CD74: variants seen among roughly 807,000 people sequenced by gnomAD.
The protein encoded by CD74 is HLA class II histocompatibility antigen gamma chain.
CD74 carries 20 observed loss-of-function variants against 37.1 expected under a neutral mutation model. The observed-to-expected ratio is 0.54, with a 90% confidence interval of 0.38 to 0.78. The LOEUF is 0.78. Ranked by LOEUF, CD74 falls within the 30% of genes least tolerant of loss-of-function variation. The pLI, the probability that CD74 is intolerant of heterozygous loss-of-function variation, is 0.00. For synonymous variants in CD74, 150 were observed against 152.0 expected, an observed-to-expected ratio of 0.99 and a Z score of 0.10; for missense variants, 338 against 389.5, an observed-to-expected ratio of 0.87 and a Z score of 1.11.
rs549957995 is a variant in CD74, at chr5:150,412,508, TAGAGTC to T, written c.125+111_125+116del. The T allele has an allele frequency of 2.6e-4, 205 of 785,168 alleles. 1 individual carries two copies. In the African/African-American group the frequency reaches 2.7e-3, roughly 10 times the overall value. 48.6% of individuals were successfully genotyped at this position (785,168 alleles called of 1,614,324 possible). A position where few individuals can be genotyped will look rare whatever the true frequency, so the allele number is the denominator to read the frequency against. On this transcript the variant is annotated intron_variant, in intron 1 of 8. Transcript: ENST00000009530. ...TCAAAATCACCCAAAAAGTCAATGT[TAGAGTC>T]AGAGCCTGAATCCCTCTTTCCTGTG...
Position 150,412,686 on chromosome 5 carries a change from C to T in CD74, c.64G>A (p.Asp22Asn), listed in dbSNP as rs773505128. The T allele has an allele frequency of 2.7e-5, 44 of 1,613,972 alleles. No homozygotes were observed. Among genetic ancestry groups the T allele is most frequent in the Non-Finnish European group, 3.7e-5 (44 of 1,180,022 alleles). ...DQKPVMDDQRDLISNNEQLPM... is the reference protein window; with the variant it reads ...DQKPVMDDQRNLISNNEQLPM... ...AGTTGCTCATTGTTGGAGATAAGGTCGCGCTGGTCATCCATGACTGGCTTC... is the reference window on the plus strand; with the variant it reads ...AGTTGCTCATTGTTGGAGATAAGGTTGCGCTGGTCATCCATGACTGGCTTC... Residue 22 changes from aspartate to asparagine, a missense_variant, in exon 1 of 9, where the codon GAC becomes AAC. Coordinates refer to ENST00000009530, the MANE Select transcript of CD74 (RefSeq NM_001025159.3).
intron 5 of CD74, 67 bp from the exon 6 acceptor site, chr5:150,404,834 G>T: frequency 8.7e-7 from 1 of 1,151,774 alleles, no homozygotes; most frequent in Non-Finnish European, 1.3e-6. Context: ...GCCTGGCTTT[G>T]CCCCTGGGGA....
At position 150,402,706 on chromosome 5, in the gene CD74, C is replaced by G. The variant is rs190540334; in HGVS notation, c.818-81G>C. The G allele has an allele frequency of 6.6e-6, 8 of 1,218,526 alleles. No homozygotes were observed. The highest frequency in any genetic ancestry group is 6.1e-5 in the Admixed American group (3 of 49,036). 75.5% of individuals were successfully genotyped at this position (1,218,526 alleles called of 1,614,324 possible). A position where few individuals can be genotyped will look rare whatever the true frequency, so the allele number is the denominator to read the frequency against. ...GATGCCTGAGGGCAGTGCTTCCCAC[C>G]TAGCCACAGGCTTAGTGCCTGGGAA... On this transcript the variant is annotated intron_variant, in intron 7 of 8. Transcript: ENST00000009530. The surrounding 1 kb of genome is among the most constrained non-coding windows in gnomAD (Gnocchi z 4.2).
At position 150,401,863 on chromosome 5, in the gene CD74, A is replaced by G. The variant is rs6877078; in HGVS notation, c.*377T>C. The G allele has an allele frequency of 8.6e-3, 6,001 of 695,916 alleles. 277 individuals carry two copies. The African/African-American group carries it at 0.093, about 11-fold the overall frequency. The allele number at this position is 695,916 out of a possible 1,614,324, so 43.1% of individuals were successfully genotyped here. A position where few individuals can be genotyped will look rare whatever the true frequency, so the allele number is the denominator to read the frequency against. The stretch of plus-strand genomic sequence containing the variant: ...GGCTGGAGGGGAGAGGACAGTCAGC[A>G]TGTCCAGCCTGGGGTCTGGGTGTAG... On this transcript the variant is annotated 3_prime_UTR_variant, in exon 9 of 9. Transcript: ENST00000009530.
intron 3 of CD74, 86 bp downstream of exon 3, chr5:150,406,795 C>T: frequency 1.1e-6 from 1 of 919,298 alleles, no homozygotes; most frequent in Non-Finnish European, 1.6e-6. Flanking sequence ...CCCAGGTGGG[C>T]TCTCTTCCCT....
intron 4 of CD74, chr5:150,405,387 G>A (rs912985197): frequency 6.6e-5 from 84 of 1,268,972 alleles, no homozygotes; most frequent in South Asian, 8.8e-5. Context: ...AGACTGCAGC[G>A]TTGCGAGTCG....
In CD74 at chr5:150,407,364, A is replaced by G. The variant is rs933627561; in HGVS notation, c.126-40T>C. On this transcript the variant is annotated intron_variant, in intron 1 of 8. Coordinates refer to ENST00000009530, the MANE Select transcript of CD74 (RefSeq NM_001025159.3). The surrounding 1 kb of genome is among the most constrained non-coding windows in gnomAD (Gnocchi z 4.4). ...GAGGATAGGTCAGAGGAGGATCCAC[A>G]GTGGTGGCTGCCCCAAGGGCTGGCT... The G allele has an allele frequency of 7.1e-6, 11 of 1,550,698 alleles. No individual in the cohort carries two copies. The highest frequency in any genetic ancestry group is 2.7e-5 in the African/African-American group (2 of 74,060).
chr5:150,405,290 G>GAT, intron 4 of CD74, 110 bp from the exon 5 acceptor site: 1 of 1,456,676 alleles, frequency 6.9e-7, no homozygotes. Flanking sequence ...ATGGACCAGA[G>GAT]CTACACCAAG....
Position 150,403,797 on chromosome 5 carries a change from TGCAGTGAGCTGAGATC to T in CD74, c.626-501_626-486del, listed in dbSNP as rs1052036601. Among the ~76,000 whole-genome samples the T allele has an allele frequency of 6.6e-6, 1 of 152,226 alleles. No homozygotes were observed. The highest frequency in any genetic ancestry group is 1.5e-5 in the Non-Finnish European group (1 of 68,032). On this transcript the variant is annotated intron_variant, in intron 6 of 8. Transcript: ENST00000009530. This position sits in a 1 kb window ranked among gnomAD's most constrained non-coding sequence, Gnocchi z 4.5. ...TTGCTTGAACCCGGGAGGCTGAGGT[TGCAGTGAGCTGAGATC>T]GCACCACTGCACTCCAGCCTGGGCG...
Position 150,402,460 on chromosome 5 carries a change from T to A in CD74, c.880+103A>T. The A allele has an allele frequency of 9.4e-7, 1 of 1,058,850 alleles. No individual in the cohort carries two copies. Among genetic ancestry groups the A allele is most frequent in the East Asian group, 2.4e-5 (1 of 42,402 alleles). The allele number at this position is 1,058,850 out of a possible 1,614,324, so 65.6% of individuals were successfully genotyped here. A position where few individuals can be genotyped will look rare whatever the true frequency, so the allele number is the denominator to read the frequency against. On this transcript the variant is annotated intron_variant, in intron 8 of 8. Coordinates refer to ENST00000009530, the MANE Select transcript of CD74 (RefSeq NM_001025159.3). This position sits in a 1 kb window ranked among gnomAD's most constrained non-coding sequence, Gnocchi z 4.2. ...TGTGAAATGGACATCCCAGGAATGTTGGAGAGTGGCCCAGCGTCACACTCC... is the reference window on the plus strand; with the variant it reads ...TGTGAAATGGACATCCCAGGAATGTAGGAGAGTGGCCCAGCGTCACACTCC...
intron 1 of CD74, among the ~76,000 whole-genome samples, chr5:150,409,748 GAAAT>G (rs1770228017): frequency 7.0e-6 from 1 of 142,358 alleles, no homozygotes; most frequent in Admixed American, 7.0e-5. Context: ...AGAACTGTGA[GAAAT>G]AAATTTCTGG....
intron 1 of CD74, 125 bp downstream of exon 1, chr5:150,412,500 G>A (rs961615819): frequency 1.4e-6 from 1 of 735,548 alleles, no homozygotes; most frequent in East Asian, 2.6e-5. Flanking sequence ...CACCCAAAAA[G>A]TCAATGTTAG....
chr5:150,404,248 C>T (rs1769810366), intron 6 of CD74, among the ~76,000 whole-genome samples: 2 of 152,202 alleles, frequency 1.3e-5, no homozygotes, highest in African/African-American at 4.8e-5. Context: ...TCTGCATTGT[C>T]CATGAGGTGG....
At chr5:150,408,008 G>C (rs1770089612) in intron 1 of CD74, among the ~76,000 whole-genome samples, 1 of 151,820 alleles carries the variant, frequency 6.6e-6, no homozygotes, top group African/African-American at 2.4e-5. Flanking sequence ...CTCCCAAAGT[G>C]CTGGGATTAC....
chr5:150,412,546 G>A (rs7709772), intron 1 of CD74, 79 bp downstream of exon 1: 46,369 of 1,078,080 alleles, frequency 0.043, 1,379 homozygotes, highest in African/African-American at 0.12. Flanking sequence ...TGTGACTCCT[G>A]GCCGGTGCTT....
intron 5 of CD74, 100 bp from the exon 6 acceptor site, chr5:150,404,867 G>T: frequency 1.1e-6 from 1 of 896,430 alleles, no homozygotes; most frequent in Non-Finnish European, 1.8e-6. Flanking sequence ...GGGCCAAATA[G>T]GGCCCCAACA....
Position 150,407,314 on chromosome 5 carries a change from G to A in CD74, c.136C>T (p.Arg46Cys), listed in dbSNP as rs145709731. 15 of 1,607,364 alleles carry A rather than the reference G, an allele frequency of 9.3e-6. No individual in the cohort carries two copies. The highest frequency in any genetic ancestry group is 1.3e-5 in the African/African-American group (1 of 74,802). Reference protein sequence around the residue: ...RPGAPESKCSRGALYTGFSIL... With the variant: ...RPGAPESKCSCGALYTGFSIL... ...GAAAAGCCTGTGTACAGGGCTCCGCGGCTGCACTTGCTGTGGGAGGTGGGG... is the reference window on the plus strand; with the variant it reads ...GAAAAGCCTGTGTACAGGGCTCCGCAGCTGCACTTGCTGTGGGAGGTGGGG... The change falls in exon 2 of 9, where the codon CGC becomes TGC. Residue 46 changes from arginine (R) to cysteine (C), a missense_variant. Physicochemically the swap from Arg to Cys is radical, Grantham distance 180 (BLOSUM62 -3). Coordinates refer to ENST00000009530, the MANE Select transcript of CD74 (RefSeq NM_001025159.3). This position sits in a 1 kb window ranked among gnomAD's most constrained non-coding sequence, Gnocchi z 4.4.
chr5:150,406,645 A>C, intron 3 of CD74: 1 of 587,060 alleles, frequency 1.7e-6, no homozygotes, highest in Middle Eastern at 4.5e-4. Context: ...GGAAATGAGA[A>C]GCACTTTGTA....
In CD74 at chr5:150,402,185, A is replaced by G; in HGVS notation, c.*55T>C. The G allele has an allele frequency of 6.3e-7, 1 of 1,583,448 alleles. No individual in the cohort carries two copies. The highest frequency in any genetic ancestry group is 8.6e-7 in the Non-Finnish European group (1 of 1,164,476). ...GAGGGGCTGGGGGCTGAAGGGAGCA[A>G]GAAAGCTGTAGCTGTGTGGGGCTGG... is the stretch of plus-strand genomic sequence containing the variant. On this transcript the variant is annotated 3_prime_UTR_variant, in exon 9 of 9. Coordinates refer to ENST00000009530, the MANE Select transcript of CD74 (RefSeq NM_001025159.3). The surrounding 1 kb of genome is among the most constrained non-coding windows in gnomAD (Gnocchi z 4.2).
Sources: allele counts gnomAD v4.1 joint callset (sites outside exome capture counted in the v4.1 genomes callset), GRCh38; gene constraint gnomAD v4.1.1; non-coding constraint Gnocchi (gnomAD v3.1); transcripts MANE v1.5; gene names NCBI Gene and HGNC (gene_info 2026-07-23, HGNC 2026-07-21).